SLC8A3: variants seen among roughly 807,000 people sequenced by gnomAD.
The protein encoded by SLC8A3 is solute carrier family 8 member A3.
A neutral mutation model predicts 65.4 loss-of-function variants in SLC8A3; 37 were observed. That is an observed-to-expected ratio of 0.57 (90% CI 0.44 to 0.74). SLC8A3 has a LOEUF of 0.74. SLC8A3 is among the 30% of genes least tolerant of loss of function. The pLI is 0.00. For missense variants in SLC8A3, 1,112 were observed against 1,172.1 expected, an observed-to-expected ratio of 0.95 and a Z score of 0.75; for synonymous variants, 461 against 444.5, an observed-to-expected ratio of 1.04 and a Z score of -0.47.
At chr14:70,081,516 G>A (rs1891048439) in intron 2 of SLC8A3, among the ~76,000 whole-genome samples, 1 of 152,354 alleles carries the variant, frequency 6.6e-6, no homozygotes, top group African/African-American at 2.4e-5. Context: ...GTCTTGTGAA[G>A]TTTTCCAACT....
chr14:70,105,476 T>C (rs1892810881), intron 2 of SLC8A3, among the ~76,000 whole-genome samples: 1 of 152,192 alleles, frequency 6.6e-6, no homozygotes. Context: ...GACTTTGTTG[T>C]AGTAAGTTTA....
At chr14:70,049,461 C>T (rs927182621) in intron 5 of SLC8A3, among the ~76,000 whole-genome samples, 4 of 152,076 alleles carry the variant, frequency 2.6e-5, no homozygotes, top group African/African-American at 4.8e-5. Flanking sequence ...GGGAGAGGAA[C>T]ATCACACACT....
intron 5 of SLC8A3, among the ~76,000 whole-genome samples, chr14:70,050,043 G>A (rs1337715123): frequency 1.3e-5 from 2 of 152,236 alleles, no homozygotes; most frequent in Non-Finnish European, 2.9e-5. Context: ...ACAGGAGTCA[G>A]AACACTTGGG....
chr14:70,168,184 T>G lies in SLC8A3; in HGVS notation c.239A>C (p.Tyr80Ser). The change falls in exon 2 of 7, where the codon TAT (tyrosine) becomes TCT (serine). Residue 80 changes from tyrosine to serine, a missense_variant. Transcript: ENST00000356921. ...GAACATGTATATCAGGGCCACAAAA[T>G]AGACAATGACCCTGGCAATCTTGTC... ...LGDKIARVIV[Y>S]FVALIYMFLG... 6.2e-7 allele frequency: 1 copy of G among 1,614,080 alleles called. No individual in the cohort carries two copies. Among genetic ancestry groups the G allele is most frequent in the Non-Finnish European group, 8.5e-7 (1 of 1,180,008 alleles).
At chr14:70,106,032 C>G (rs960816374) in intron 2 of SLC8A3, among the ~76,000 whole-genome samples, 1 of 152,030 alleles carries the variant, frequency 6.6e-6, no homozygotes, top group Non-Finnish European at 1.5e-5. Flanking sequence ...TGACAAAATT[C>G]AAACTCATTC....
At chr14:70,065,239 G>C (rs1005590102) in intron 2 of SLC8A3, among the ~76,000 whole-genome samples, 1 of 152,112 alleles carries the variant, frequency 6.6e-6, no homozygotes, top group Non-Finnish European at 1.5e-5. Context: ...GTCACCATTA[G>C]AGCTTTGGAT....
intron 2 of SLC8A3, among the ~76,000 whole-genome samples, chr14:70,159,421 AAAAC>A (rs1231527813): frequency 6.7e-6 from 1 of 150,160 alleles, no homozygotes; most frequent in Non-Finnish European, 1.5e-5. Context: ...AAAAAAAAAA[AAAAC>A]AAAAAAAACC....
chr14:70,122,742 A>G lies in SLC8A3; in HGVS notation c.1784+43897T>C, dbSNP rs189044886. Among the ~76,000 whole-genome samples, 8 of 152,290 alleles carry G rather than the reference A, an allele frequency of 5.3e-5. No individual in the cohort carries two copies. In the East Asian group the frequency reaches 1.5e-3, roughly 29 times the overall value. On this transcript the variant is annotated intron_variant, in intron 2 of 6. Transcript: ENST00000356921. ...TGACCTTCAAAATTTTCCTGCTCAT[A>G]AGAACCTGTGATTTCTGCTCTCACT...
intron 2 of SLC8A3, among the ~76,000 whole-genome samples, chr14:70,117,382 G>A (rs1893740988): frequency 6.6e-6 from 1 of 152,208 alleles, no homozygotes. Flanking sequence ...GACTGGCATT[G>A]TGTTCCACCT....
intron 2 of SLC8A3, among the ~76,000 whole-genome samples, chr14:70,089,877 A>G (rs1229448139): frequency 6.6e-6 from 1 of 151,680 alleles, no homozygotes; most frequent in East Asian, 2.0e-4. Flanking sequence ...TAGAGAGAGG[A>G]GCAGAGGACC....
chr14:70,127,416 T>G (rs924865478), intron 2 of SLC8A3, among the ~76,000 whole-genome samples: 5 of 152,142 alleles, frequency 3.3e-5, no homozygotes, highest in African/African-American at 1.2e-4. Flanking sequence ...TTATTGACGG[T>G]TTTGTAGACC....
intron 2 of SLC8A3, among the ~76,000 whole-genome samples, chr14:70,099,756 T>A (rs1052739936): frequency 6.6e-6 from 1 of 152,212 alleles, no homozygotes; most frequent in Admixed American, 6.5e-5. Flanking sequence ...GATTCAGGAA[T>A]TATATTCAGA....
chr14:70,183,500 T>G (rs1882931924), intron 1 of SLC8A3, among the ~76,000 whole-genome samples: 1 of 152,208 alleles, frequency 6.6e-6, no homozygotes, highest in Non-Finnish European at 1.5e-5. Flanking sequence ...AGAGTTTGCT[T>G]TGCTCTGCAG....
In SLC8A3 at chr14:70,187,273, AAG is replaced by A. The variant is rs139513175; in HGVS notation, c.-63+1104_-63+1105del. On this transcript the variant is annotated intron_variant, in intron 1 of 6. Coordinates refer to ENST00000356921, the MANE Select transcript of SLC8A3 (RefSeq NM_182932.3). ...GCCAGGAAAGGGGGAGAGAGAGAGAAAGAGAGAGAGAGAGAGAGAGGAAAGGA... is the reference window on the plus strand; with the variant it reads ...GCCAGGAAAGGGGGAGAGAGAGAGAAAGAGAGAGAGAGAGAGAGGAAAGGA... 1.6e-3 allele frequency: 234 copies of A among 146,368 alleles called. 1 individual carries two copies. Among genetic ancestry groups the A allele is most frequent in the East Asian group, 0.015 (76 of 5,106 alleles). The allele number at this position is 146,368 out of a possible 1,614,324, so 9.1% of individuals were successfully genotyped here.
At chr14:70,141,095 A>C (rs1895542407) in intron 2 of SLC8A3, among the ~76,000 whole-genome samples, 1 of 152,262 alleles carries the variant, frequency 6.6e-6, no homozygotes, top group South Asian at 2.1e-4. Flanking sequence ...TAACTGATTT[A>C]TCGAGTACTT....
chr14:70,136,782 T>G (rs117549441), intron 2 of SLC8A3, among the ~76,000 whole-genome samples: 7,699 of 152,350 alleles, frequency 0.051, 293 homozygotes, highest in Middle Eastern at 0.11. Flanking sequence ...AGAATACAAG[T>G]GCCTGAGGGC....
chr14:70,050,543 T>G (rs1316998695), intron 5 of SLC8A3, among the ~76,000 whole-genome samples: 3 of 152,142 alleles, frequency 2.0e-5, no homozygotes, highest in Non-Finnish European at 2.9e-5. Context: ...TATGGAATCA[T>G]CCAGAGTGTT....
chr14:70,095,901 A>G lies in SLC8A3; in HGVS notation c.1785-34962T>C, dbSNP rs564411789. Among the ~76,000 whole-genome samples the G allele has an allele frequency of 5.0e-4, 75 of 150,616 alleles. No homozygotes were observed. In the Middle Eastern group the frequency reaches 0.017, roughly 34 times the overall value. ...TATATCTTCTTTTTTTTTTTCGTTG[A>G]GGTGGAATCTCGCTCTGTCACCCAG... On this transcript the variant is annotated intron_variant, in intron 2 of 6. Transcript: ENST00000356921.
chr14:70,150,777 A>C (rs1425862265), intron 2 of SLC8A3, among the ~76,000 whole-genome samples: 2 of 152,194 alleles, frequency 1.3e-5, no homozygotes, highest in African/African-American at 4.8e-5. Context: ...GGAACTCCAG[A>C]GGGAAAGGGG....
Sources: gnomAD v4.1 joint callset for allele counts (sites outside exome capture counted in the v4.1 genomes callset) on GRCh38, gnomAD v4.1.1 for gene constraint, MANE v1.5 for transcripts, NCBI Gene and HGNC (gene_info 2026-07-23, HGNC 2026-07-21) for gene names.